CAB39L: variants seen among roughly 807,000 people sequenced by gnomAD.
CAB39L encodes calcium binding protein 39 like.
Under a neutral mutation model 39.1 loss-of-function variants are expected in CAB39L, and 23 were observed. That is an observed-to-expected ratio of 0.59 (90% CI 0.42 to 0.83). The LOEUF (loss-of-function observed/expected upper bound fraction) is 0.83, where lower values mean the gene tolerates loss of function less well. Among genes scored for constraint, CAB39L ranks in the 40% least tolerant of loss-of-function variants. The probability of loss-of-function intolerance (pLI) is 0.00; values close to 1 mark genes in which losing one functional copy is unlikely to be tolerated. For missense variants in CAB39L, 366 were observed against 391.9 expected (o/e 0.93, Z 0.56); for synonymous variants, 126 against 137.2 (o/e 0.92, Z 0.57).
chr13:49,310,616 A>G lies in CAB39L; in HGVS notation c.*198T>C. 2.1e-6 allele frequency: 1 copy of G among 484,894 alleles called. No individual in the cohort carries two copies. The highest frequency in any genetic ancestry group is 3.6e-6 in the Non-Finnish European group (1 of 275,392). 30.0% of individuals were successfully genotyped at this position (484,894 alleles called of 1,614,324 possible). A position where few individuals can be genotyped will look rare whatever the true frequency, so the allele number is the denominator to read the frequency against. On this transcript the variant is annotated 3_prime_UTR_variant, in exon 11 of 11. Coordinates refer to ENST00000409308, the MANE Select transcript of CAB39L (RefSeq NM_001079670.3). ...GTTCTCATTTCACATAAATAATCAC[A>G]GACTTGACTAAAATGAATATATTAT... is the stretch of plus-strand genomic sequence containing the variant.
chr13:49,396,182 G>A (rs999440028), intron 3 of CAB39L, among the ~76,000 whole-genome samples: 4 of 151,776 alleles, frequency 2.6e-5, no homozygotes, highest in African/African-American at 9.7e-5. Context: ...TATATCTGAA[G>A]CCAAAAGAGA....
chr13:49,442,516 G>A (rs1310307084), intron 1 of CAB39L, among the ~76,000 whole-genome samples: 1 of 152,136 alleles, frequency 6.6e-6, no homozygotes, highest in Admixed American at 6.5e-5. Flanking sequence ...CTCAGGCCAG[G>A]TGCCGTGGCT....
intron 10 of CAB39L, among the ~76,000 whole-genome samples, chr13:49,323,245 T>G (rs1954403600): frequency 6.6e-6 from 1 of 152,216 alleles, no homozygotes; most frequent in African/African-American, 2.4e-5. Flanking sequence ...GAAATCTGAC[T>G]CGAGTTGAAG....
Position 49,359,747 on chromosome 13 carries a change from G to C in CAB39L, c.362C>G (p.Ala121Gly). Reference sequence around the variant, plus strand: ...GAGCATAAACAGGATATGAGGATGAGCACTAATATACTCCACAGTAGGACT... The same window carrying C: ...GAGCATAAACAGGATATGAGGATGACCACTAATATACTCCACAGTAGGACT... ...TRSPTVEYIS[A>G]HPHILFMLLK... The change falls in exon 6 of 11, where the codon GCT (alanine) becomes GGT (glycine). Residue 121 changes from alanine (A) to glycine (G), a missense_variant. Ala to Gly is a moderately conservative substitution (Grantham distance 60). Transcript: ENST00000409308. 1.9e-6 allele frequency: 3 copies of C among 1,608,492 alleles called. No individual in the cohort carries two copies. The highest frequency in any genetic ancestry group is 2.6e-6 in the Non-Finnish European group (3 of 1,175,220).
rs13378622 is a variant in CAB39L at position 49,386,860 on chromosome 13, C to A, written c.-31-3919G>T. 2.0e-5 allele frequency among the ~76,000 whole-genome samples: 3 copies of A among 150,720 alleles called. 1 individual carries two copies. The highest frequency in any genetic ancestry group is 2.1e-4 in the South Asian group (1 of 4,728). On this transcript the variant is annotated intron_variant, in intron 3 of 10. Coordinates refer to ENST00000409308, the MANE Select transcript of CAB39L (RefSeq NM_001079670.3). ...CCACTCCCAGACTAAACACCTCCCC[C>A]ACTCCAAGACTAAACACCTCCTCCA... is the stretch of plus-strand genomic sequence containing the variant.
intron 5 of CAB39L, among the ~76,000 whole-genome samples, chr13:49,366,685 A>AC (rs1426753985): frequency 6.7e-6 from 1 of 150,142 alleles, no homozygotes; most frequent in East Asian, 1.9e-4. Context: ...CCAAAACCCA[A>AC]CCCCCCATCA....
rs143158810 is a variant in CAB39L at position 49,339,461 on chromosome 13, A to T, written c.690+216T>A. Among the ~76,000 whole-genome samples, 4 of 152,292 alleles carry T rather than the reference A, an allele frequency of 2.6e-5. No homozygotes were observed. In the East Asian group the frequency reaches 7.7e-4, roughly 29 times the overall value. ...AGAAATATTCTAAATTTTACTTATCATGTACTTATATTGTTACTTCCAAAA... is the reference window on the plus strand; with the variant it reads ...AGAAATATTCTAAATTTTACTTATCTTGTACTTATATTGTTACTTCCAAAA... On this transcript the variant is annotated intron_variant, in intron 9 of 10. Coordinates refer to ENST00000409308, the MANE Select transcript of CAB39L (RefSeq NM_001079670.3).
chr13:49,339,821 A>G, intron 8 of CAB39L, 79 bp from the exon 9 acceptor site: 2 of 1,338,624 alleles, frequency 1.5e-6, no homozygotes, highest in Admixed American at 6.6e-5. Flanking sequence ...TTTCTTTTTC[A>G]GGAGCAAATT....
intron 2 of CAB39L, 148 bp from the exon 3 acceptor site, chr13:49,433,541 T>G: frequency 2.8e-6 from 1 of 356,856 alleles, no homozygotes; most frequent in Non-Finnish European, 5.4e-6. Context: ...CAGGTAAATT[T>G]TCATATCCCA....
intron 10 of CAB39L, among the ~76,000 whole-genome samples, chr13:49,313,397 C>A (rs765511758): frequency 6.6e-6 from 1 of 151,604 alleles, no homozygotes; most frequent in Non-Finnish European, 1.5e-5. Context: ...AGGAGAATGG[C>A]GTGAACCCAG....
chr13:49,334,723 T>C (rs1954804036), intron 9 of CAB39L, among the ~76,000 whole-genome samples: 1 of 152,200 alleles, frequency 6.6e-6, no homozygotes, highest in Non-Finnish European at 1.5e-5. Context: ...CCTACCCACA[T>C]ATCCAGAGCA....
rs7983006 is a variant in CAB39L, at chr13:49,442,796, A to C, written c.-246+1190T>G. 1.8e-3 allele frequency among the ~76,000 whole-genome samples: 79 copies of C among 43,812 alleles called. 1 individual carries two copies. The highest frequency in any genetic ancestry group is 4.8e-3 in the East Asian group (4 of 832). The allele number at this position is 43,812 out of a possible 152,430, so 28.7% of individuals were successfully genotyped here. On this transcript the variant is annotated intron_variant, in intron 1 of 10. Transcript: ENST00000409308. ...ACAAGAGACTCCATCTCAAAAAAAAAAAAAAAAAAAAAAAAAAAAAAAACA... is the reference window on the plus strand; with the variant it reads ...ACAAGAGACTCCATCTCAAAAAAAACAAAAAAAAAAAAAAAAAAAAAAACA...
At chr13:49,328,156 C>A (rs1187369329) in intron 10 of CAB39L, among the ~76,000 whole-genome samples, 2 of 152,162 alleles carry the variant, frequency 1.3e-5, no homozygotes, top group African/African-American at 4.8e-5. Flanking sequence ...TGAAGGGTAT[C>A]CACAGCTTCA....
chr13:49,349,217 A>G (rs1022038645), intron 7 of CAB39L, among the ~76,000 whole-genome samples: 2 of 152,182 alleles, frequency 1.3e-5, no homozygotes, highest in African/African-American at 4.8e-5. Context: ...ATCACTGTTC[A>G]TAAAGTAATA....
At chr13:49,373,879 T>C (rs774294552) in intron 5 of CAB39L, among the ~76,000 whole-genome samples, 29 of 152,230 alleles carry the variant, frequency 1.9e-4, no homozygotes, top group Non-Finnish European at 3.5e-4. Context: ...GTAGCTTACA[T>C]AGATACTTTA....
In CAB39L at chr13:49,333,208, C is replaced by G. The variant is rs547964108; in HGVS notation, c.691-1118G>C. ...ACCCCTGTTGGATGTTGGCTGGTCACTAGTTATTCTCATACACATGGAATA... is the reference window on the plus strand; with the variant it reads ...ACCCCTGTTGGATGTTGGCTGGTCAGTAGTTATTCTCATACACATGGAATA... On this transcript the variant is annotated intron_variant, in intron 9 of 10. Coordinates refer to ENST00000409308, the MANE Select transcript of CAB39L (RefSeq NM_001079670.3). 2.0e-5 allele frequency among the ~76,000 whole-genome samples: 3 copies of G among 152,312 alleles called. No homozygotes were observed. The East Asian group carries it at 5.8e-4, about 29-fold the overall frequency.
chr13:49,411,237 C>T (rs1160596423), intron 3 of CAB39L, among the ~76,000 whole-genome samples: 2 of 151,588 alleles, frequency 1.3e-5, no homozygotes, highest in African/African-American at 4.9e-5. Flanking sequence ...AGTGAGACCT[C>T]GTCTCTATCA....
chr13:49,412,015 T>TC (rs1291741875), intron 3 of CAB39L, among the ~76,000 whole-genome samples: 2 of 151,966 alleles, frequency 1.3e-5, no homozygotes, highest in East Asian at 1.9e-4. Flanking sequence ...GTATGTAAAC[T>TC]CCCCCCAAAA....
chr13:49,404,167 C>A (rs79922290), intron 3 of CAB39L, among the ~76,000 whole-genome samples: 3,546 of 152,212 alleles, frequency 0.023, 130 homozygotes, highest in African/African-American at 0.078. Flanking sequence ...CCTCCCCGAA[C>A]TGTAGGCAGC....
Sources: allele counts gnomAD v4.1 joint callset (sites outside exome capture counted in the v4.1 genomes callset), GRCh38; gene constraint gnomAD v4.1.1; transcripts MANE v1.5; gene names NCBI Gene and HGNC (gene_info 2026-07-23, HGNC 2026-07-21).